Variants in CHD6 observed in about 807,000 individuals in gnomAD.
CHD6 encodes the protein chromodomain helicase DNA binding protein 6, also known as ATP-dependent chromatin remodeler CHD6.
A neutral mutation model predicts 276.9 loss-of-function variants in CHD6; 50 were observed. The observed-to-expected ratio is 0.18, with a 90% CI of 0.14 to 0.23. The LOEUF is 0.23. Ranked by LOEUF, CHD6 falls within the 10% of genes least tolerant of loss-of-function variation. The probability of loss-of-function intolerance (pLI) is 1.00; values close to 1 mark genes in which losing one functional copy is unlikely to be tolerated. For missense variants in CHD6, 2,564 were observed against 3,365.8 expected, an observed-to-expected ratio of 0.76 and a Z score of 5.89; for synonymous variants, 1,173 against 1,229.3, an observed-to-expected ratio of 0.95 and a Z score of 0.96.
intron 5 of CHD6, among the ~76,000 whole-genome samples, chr20:41,500,159 T>C (rs1300448191): frequency 6.6e-6 from 1 of 152,110 alleles, no homozygotes; most frequent in Non-Finnish European, 1.5e-5. Flanking sequence ...TTCAGATCTA[T>C]TACAATATGA....
intron 1 of CHD6, among the ~76,000 whole-genome samples, chr20:41,603,207 G>C (rs547597693): frequency 4.7e-4 from 71 of 151,750 alleles, no homozygotes; most frequent in African/African-American, 1.7e-3. Flanking sequence ...ACAAAAATTA[G>C]CTGGGTGAGT....
In CHD6 at chr20:41,405,509, C is replaced by A; in HGVS notation, c.7252-20G>T. ...AAACCCCTGGAAAAACAAAGAAACACAAAATGCTGAAGGCAACAGGATGGC... is the reference window on the plus strand; with the variant it reads ...AAACCCCTGGAAAAACAAAGAAACAAAAAATGCTGAAGGCAACAGGATGGC... On this transcript the variant is annotated intron_variant, in intron 36 of 36. Transcript: ENST00000373233. 6.5e-7 allele frequency: 1 copy of A among 1,536,172 alleles called. No homozygotes were observed. Among genetic ancestry groups the A allele is most frequent in the Non-Finnish European group, 8.8e-7 (1 of 1,141,104 alleles).
chr20:41,471,560 G>A (rs2043053036), intron 17 of CHD6, among the ~76,000 whole-genome samples: 3 of 150,306 alleles, frequency 2.0e-5, no homozygotes, highest in Non-Finnish European at 4.4e-5. Context: ...TTTTGAGACC[G>A]AGTCTCGCTC....
In CHD6 at chr20:41,404,908, T is replaced by G. The variant is rs866043563; in HGVS notation, c.7833A>C (p.Pro2611=). The part of the protein sequence containing the change: ...ITTSSPVAFN[P]FLIPGVSPGL... ...CAGGAGATACTCCTGGGATGAGAAA[T>G]GGGTTAAAAGCCACAGGACTACTAG... Residue 2611 remains proline, a synonymous_variant, in exon 37 of 37, where the codon CCA becomes CCC. Transcript: ENST00000373233. 6.2e-7 allele frequency: 1 copy of G among 1,614,002 alleles called. No individual in the cohort carries two copies. Among genetic ancestry groups the G allele is most frequent in the East Asian group, 2.2e-5 (1 of 44,860 alleles).
At chr20:41,567,380 C>T (rs973166882) in intron 1 of CHD6, among the ~76,000 whole-genome samples, 2 of 152,066 alleles carry the variant, frequency 1.3e-5, no homozygotes, top group African/African-American at 2.4e-5. Context: ...TGATTGTGTA[C>T]CCCAGGAACA....
In CHD6 at chr20:41,583,398, G is replaced by GA. The variant is rs563377722; in HGVS notation, c.-23-32039dup. 1.3e-3 allele frequency among the ~76,000 whole-genome samples: 192 copies of GA among 144,984 alleles called. 1 individual carries two copies. The South Asian group carries it at 0.028, about 21-fold the overall frequency. Reference sequence around the variant, plus strand: ...GGAGTAATTCTTTAAAGTAATGAAGGAAAAAAAAAACACACCTCACAACGC... The same window carrying GA: ...GGAGTAATTCTTTAAAGTAATGAAGGAAAAAAAAAAACACACCTCACAACGC... On this transcript the variant is annotated intron_variant, in intron 1 of 36. Coordinates refer to ENST00000373233, the MANE Select transcript of CHD6 (RefSeq NM_032221.5).
chr20:41,578,402 A>G (rs2146224822), intron 1 of CHD6, among the ~76,000 whole-genome samples: 1 of 152,340 alleles, frequency 6.6e-6, no homozygotes, highest in South Asian at 2.1e-4. Context: ...CAGTTTTTTA[A>G]AAAAGTTTTT....
intron 16 of CHD6, chr20:41,482,647 T>C (rs1191419009): frequency 2.4e-6 from 1 of 418,640 alleles, no homozygotes; most frequent in Non-Finnish European, 4.7e-6. Flanking sequence ...TTCAGATCAT[T>C]GATGTGTCAC....
intron 8 of CHD6, among the ~76,000 whole-genome samples, chr20:41,495,576 T>C (rs1333289392): frequency 1.3e-5 from 2 of 152,102 alleles, no homozygotes; most frequent in Non-Finnish European, 2.9e-5. Flanking sequence ...TATTATATAT[T>C]TGAAATTTGC....
At chr20:41,525,756 A>G (rs2044516516) in intron 3 of CHD6, among the ~76,000 whole-genome samples, 1 of 152,188 alleles carries the variant, frequency 6.6e-6, no homozygotes, top group South Asian at 2.1e-4. Context: ...AACTGGATCA[A>G]TACTCATCTC....
At chr20:41,582,650 A>T (rs754809511) in intron 1 of CHD6, among the ~76,000 whole-genome samples, 1 of 152,242 alleles carries the variant, frequency 6.6e-6, no homozygotes, top group Non-Finnish European at 1.5e-5. Context: ...AAACCAAACA[A>T]GAGAGCCAAA....
chr20:41,467,720 A>G (rs1300972164), intron 17 of CHD6, among the ~76,000 whole-genome samples: 1 of 151,986 alleles, frequency 6.6e-6, no homozygotes, highest in Non-Finnish European at 1.5e-5. Context: ...AATCTGTCAG[A>G]TAAGTCAGTC....
chr20:41,577,159 C>A (rs867539793), intron 1 of CHD6, among the ~76,000 whole-genome samples: 1 of 152,244 alleles, frequency 6.6e-6, no homozygotes, highest in Admixed American at 6.5e-5. Context: ...AAACTTAGAA[C>A]GAGAGAGTCT....
chr20:41,601,843 C>G (rs1035980077), intron 1 of CHD6, among the ~76,000 whole-genome samples: 3 of 152,200 alleles, frequency 2.0e-5, no homozygotes, highest in African/African-American at 7.2e-5. Context: ...CCAATTATTT[C>G]ACTGCTCTGG....
intron 1 of CHD6, among the ~76,000 whole-genome samples, chr20:41,604,947 CA>C (rs1291839648): frequency 6.6e-6 from 1 of 152,042 alleles, no homozygotes; most frequent in African/African-American, 2.4e-5. Flanking sequence ...GGGGAGGCTA[CA>C]AATAACATTT....
At chr20:41,606,099 C>T (rs768974788) in intron 1 of CHD6, among the ~76,000 whole-genome samples, 4 of 152,158 alleles carry the variant, frequency 2.6e-5, no homozygotes, top group Admixed American at 6.5e-5. Flanking sequence ...TTATCTCGGC[C>T]GGGCGTAGTG....
At chr20:41,434,341 A>G (rs916844396) in intron 27 of CHD6, among the ~76,000 whole-genome samples, 5 of 152,222 alleles carry the variant, frequency 3.3e-5, no homozygotes, top group Admixed American at 6.5e-5. Context: ...TATAGTGATA[A>G]CAGGGTCAAT....
intron 16 of CHD6, among the ~76,000 whole-genome samples, chr20:41,481,825 GA>G (rs956490059): frequency 1.3e-5 from 2 of 151,388 alleles, no homozygotes; most frequent in Non-Finnish European, 2.9e-5. Flanking sequence ...GAAAAATAAA[GA>G]AAAAAATTTC....
At position 41,484,363 on chromosome 20, in the gene CHD6, T is replaced by C. The variant is rs1314547532; in HGVS notation, c.2246A>G (p.Tyr749Cys). 5 of 1,613,688 alleles carry C rather than the reference T, an allele frequency of 3.1e-6. No individual in the cohort carries two copies. The highest frequency in any genetic ancestry group is 4.2e-6 in the Non-Finnish European group (5 of 1,179,798). The change falls in exon 15 of 37, where the codon TAC becomes TGC. Residue 749 changes from tyrosine (Y) to cysteine (C), a missense_variant. Coordinates refer to ENST00000373233, the MANE Select transcript of CHD6 (RefSeq NM_032221.5). ...MELRKCCNHP[Y>C]LINGAEEKIL... The stretch of plus-strand genomic sequence containing the variant: ...TGCCCCTGACTCACCATTGATCAGG[T>C]AGGGATGGTTACAGCACTTCCTCAG...
Sources: allele counts gnomAD v4.1 joint callset (sites outside exome capture counted in the v4.1 genomes callset), GRCh38; gene constraint gnomAD v4.1.1; transcripts MANE v1.5; gene names NCBI Gene and HGNC (gene_info 2026-07-23, HGNC 2026-07-21).